SLIT2: variants seen among roughly 807,000 people sequenced by gnomAD.
SLIT2 encodes the protein slit homolog 2 protein.
SLIT2 carries 41 observed loss-of-function variants against 185.7 expected under a neutral mutation model. The ratio of observed to expected loss-of-function variants is 0.22; its 90% CI spans 0.17 to 0.29. SLIT2 has a LOEUF of 0.29. SLIT2 is among the 10% of genes least tolerant of loss of function. The pLI, the probability that SLIT2 is intolerant of heterozygous loss-of-function variation, is 1.00. For synonymous variants in SLIT2, 693 were observed against 680.2 expected (o/e 1.02, Z -0.29); for missense variants, 1,571 against 1,909.0 (o/e 0.82, Z 3.30).
chr4:20,566,999 G>A (rs1725140589), intron 26 of SLIT2, among the ~76,000 whole-genome samples: 1 of 151,852 alleles, frequency 6.6e-6, no homozygotes, highest in Non-Finnish European at 1.5e-5. Flanking sequence ...TGTGACACTG[G>A]CACCATTAAC....
At chr4:20,294,513 C>A (rs541562708) in intron 4 of SLIT2, among the ~76,000 whole-genome samples, 30 of 152,256 alleles carry the variant, frequency 2.0e-4, no homozygotes, top group Admixed American at 8.5e-4. Context: ...ATCAGAGTAT[C>A]AGTTTCTCCC....
At position 20,253,768 on chromosome 4, in the gene SLIT2, G is replaced by A; in HGVS notation, c.-48G>A. On this transcript the variant is annotated 5_prime_UTR_variant, in exon 1 of 37. Transcript: ENST00000504154. Reference sequence around the variant, plus strand: ...CTGCGCGGTTCCCTCGGAGCAGCAAGCTAAAGAAAGCCCCCAGTGCCGGCG... The same window carrying A: ...CTGCGCGGTTCCCTCGGAGCAGCAAACTAAAGAAAGCCCCCAGTGCCGGCG... 1 of 1,587,236 alleles carries A rather than the reference G, an allele frequency of 6.3e-7. No individual in the cohort carries two copies. Among genetic ancestry groups the A allele is most frequent in the Non-Finnish European group, 8.5e-7 (1 of 1,173,282 alleles).
chr4:20,568,184 T>G (rs945088549), intron 28 of SLIT2, among the ~76,000 whole-genome samples: 1 of 152,106 alleles, frequency 6.6e-6, no homozygotes, highest in South Asian at 2.1e-4. Context: ...TAATGTCACA[T>G]AAGAATGCTA....
chr4:20,557,909 A>G (rs1414362306), intron 26 of SLIT2, among the ~76,000 whole-genome samples: 2 of 152,064 alleles, frequency 1.3e-5, no homozygotes, highest in Non-Finnish European at 2.9e-5. Flanking sequence ...GAAAACTTCA[A>G]TAGAGTAGGT....
chr4:20,483,427 A>G (rs1315424671), intron 6 of SLIT2, among the ~76,000 whole-genome samples: 1 of 152,064 alleles, frequency 6.6e-6, no homozygotes, highest in African/African-American at 2.4e-5. Context: ...ATATTTTCTT[A>G]ATATTTAGAT....
At chr4:20,500,549 A>T (rs1246202474) in intron 9 of SLIT2, among the ~76,000 whole-genome samples, 3 of 152,212 alleles carry the variant, frequency 2.0e-5, no homozygotes, top group African/African-American at 7.2e-5. Flanking sequence ...CCTGTTAGAA[A>T]TATAGATGAC....
chr4:20,404,933 T>C (rs1488676930), intron 4 of SLIT2, among the ~76,000 whole-genome samples: 2 of 151,988 alleles, frequency 1.3e-5, no homozygotes, highest in African/African-American at 4.8e-5. Context: ...GAAATACTGG[T>C]ATTTTTTTCT....
chr4:20,251,982 G>A lies in SLIT2; in HGVS notation c.-1834G>A, dbSNP rs1175088374. Among the ~76,000 whole-genome samples the A allele has an allele frequency of 2.0e-5, 3 of 152,042 alleles. No individual in the cohort carries two copies. The highest frequency in any genetic ancestry group is 4.4e-5 in the Non-Finnish European group (3 of 67,976). On this transcript the variant is annotated 5_prime_UTR_variant, in exon 1 of 37. Coordinates refer to ENST00000504154, the MANE Select transcript of SLIT2 (RefSeq NM_004787.4). ...GGTGGTGGTGGCTGCCGCAGACTGT[G>A]GTTAAAAAAAAGAAGGCGGCGGCGG...
intron 4 of SLIT2, among the ~76,000 whole-genome samples, chr4:20,460,110 C>T (rs1371507174): frequency 1.3e-5 from 2 of 152,004 alleles, no homozygotes; most frequent in Non-Finnish European, 2.9e-5. Context: ...GTGATCCACC[C>T]ACCTCAGCCT....
At chr4:20,601,151 A>G (rs565189060) in intron 33 of SLIT2, among the ~76,000 whole-genome samples, 1 of 152,298 alleles carries the variant, frequency 6.6e-6, no homozygotes, top group East Asian at 1.9e-4. Flanking sequence ...TTGATTTTTG[A>G]GCCATTTCAA....
At chr4:20,442,397 G>A (rs1334209565) in intron 4 of SLIT2, among the ~76,000 whole-genome samples, 1 of 152,038 alleles carries the variant, frequency 6.6e-6, no homozygotes, top group African/African-American at 2.4e-5. Flanking sequence ...GGTGGCGGGC[G>A]CCTGTAGTCC....
intron 4 of SLIT2, among the ~76,000 whole-genome samples, chr4:20,364,964 C>T (rs958954146): frequency 2.0e-5 from 3 of 151,990 alleles, no homozygotes; most frequent in Non-Finnish European, 2.9e-5. Context: ...TCAGATGCAC[C>T]GTACCAAATA....
intron 29 of SLIT2, chr4:20,573,386 A>G: frequency 2.9e-6 from 2 of 681,734 alleles, no homozygotes; most frequent in South Asian, 1.6e-5. Flanking sequence ...TCTGAAAACA[A>G]TATGCCAAAT....
In SLIT2 at chr4:20,602,101, TG is replaced by T. The variant is rs200466136; in HGVS notation, c.3692+3707del. Among the ~76,000 whole-genome samples the T allele has an allele frequency of 7.3e-3, 1,105 of 152,328 alleles. 11 individuals carry two copies. Among genetic ancestry groups the T allele is most frequent in the Middle Eastern group, 0.02 (6 of 294 alleles). On this transcript the variant is annotated intron_variant, in intron 33 of 36. Coordinates refer to ENST00000504154, the MANE Select transcript of SLIT2 (RefSeq NM_004787.4). ...ATTTTTGGTTAAAATTTATTTTATA[TG>T]TCAACTATTGTTTCACATAAATCAG...
At chr4:20,333,897 A>G (rs947689923) in intron 4 of SLIT2, among the ~76,000 whole-genome samples, 2 of 152,164 alleles carry the variant, frequency 1.3e-5, no homozygotes, top group Admixed American at 6.5e-5. Context: ...TGTCAATTGC[A>G]TTTGCTTTGG....
chr4:20,257,772 A>G (rs2109008840), intron 2 of SLIT2, 96 bp from the exon 3 acceptor site: 1 of 715,802 alleles, frequency 1.4e-6, no homozygotes, highest in Non-Finnish European at 2.5e-6. Flanking sequence ...TTAACTTTAT[A>G]AAGGGAAAGA....
chr4:20,444,804 A>G (rs1263960586), intron 4 of SLIT2, among the ~76,000 whole-genome samples: 1 of 152,142 alleles, frequency 6.6e-6, no homozygotes, highest in Non-Finnish European at 1.5e-5. Flanking sequence ...ACTGCATTGC[A>G]ACACCATTTA....
rs1485519728 is a variant in SLIT2 at position 20,251,924 on chromosome 4, G to A, written c.-1892G>A. Among the ~76,000 whole-genome samples, 1 of 152,142 alleles carries A rather than the reference G, an allele frequency of 6.6e-6. No individual in the cohort carries two copies. Among genetic ancestry groups the A allele is most frequent in the Non-Finnish European group, 1.5e-5 (1 of 68,016 alleles). On this transcript the variant is annotated 5_prime_UTR_variant, in exon 1 of 37. Transcript: ENST00000504154. ...CTTCGGACTTGGTGTTATTTATTTG[G>A]GAAGCGCCCGGACGGCGGAGCTTGG...
intron 4 of SLIT2, among the ~76,000 whole-genome samples, chr4:20,282,889 ATAT>A (rs1465763643): frequency 4.6e-5 from 7 of 152,096 alleles, no homozygotes; most frequent in Non-Finnish European, 8.8e-5. Context: ...GGGTTGACAT[ATAT>A]TATTTTTTTT....
Sources: gnomAD v4.1 joint callset for allele counts (sites outside exome capture counted in the v4.1 genomes callset) on GRCh38, gnomAD v4.1.1 for gene constraint, MANE v1.5 for transcripts, NCBI Gene and HGNC (gene_info 2026-07-23, HGNC 2026-07-21) for gene names.